Variants in PSD3 observed in about 807,000 individuals in gnomAD.
The protein encoded by PSD3 is pleckstrin and Sec7 domain containing 3.
Under a neutral mutation model 105.5 loss-of-function variants are expected in PSD3, and 49 were observed. The observed-to-expected ratio is 0.46, with a 90% CI of 0.37 to 0.59. The LOEUF (loss-of-function observed/expected upper bound fraction) is 0.59. Ranked by LOEUF, PSD3 falls within the 20% of genes least tolerant of loss-of-function variation. The probability of loss-of-function intolerance (pLI) is 0.00; values close to 1 mark genes in which losing one functional copy is unlikely to be tolerated. For missense variants in PSD3, 1,561 were observed against 1,263.8 expected (o/e 1.24, Z -3.57); for synonymous variants, 557 against 457.8 (o/e 1.22, Z -2.77).
chr8:18,562,268 G>C (rs143852851), intron 14 of PSD3, among the ~76,000 whole-genome samples: 342 of 152,276 alleles, frequency 2.2e-3, no homozygotes, highest in Admixed American at 4.9e-3. Flanking sequence ...AAGAGAACCT[G>C]GCCACTGTCC....
At chr8:18,855,398 T>G (rs1000449792) in intron 4 of PSD3, among the ~76,000 whole-genome samples, 2 of 152,142 alleles carry the variant, frequency 1.3e-5, no homozygotes, top group Non-Finnish European at 2.9e-5. Context: ...TGACATAATA[T>G]GACAGTCAAA....
intron 14 of PSD3, among the ~76,000 whole-genome samples, chr8:18,564,095 T>G (rs1270086861): frequency 7.2e-6 from 1 of 139,712 alleles, no homozygotes; most frequent in Non-Finnish European, 1.5e-5. Context: ...GGGAAAAAAT[T>G]TAAAGTTTTC....
intron 1 of PSD3, among the ~76,000 whole-genome samples, chr8:19,046,591 C>T (rs1250498271): frequency 6.6e-6 from 1 of 152,170 alleles, no homozygotes; most frequent in Non-Finnish European, 1.5e-5. Flanking sequence ...TATTCCTTAC[C>T]ATTTCTTTCT....
intron 1 of PSD3, among the ~76,000 whole-genome samples, chr8:18,993,733 T>A (rs531463262): frequency 1.3e-5 from 2 of 152,144 alleles, no homozygotes; most frequent in East Asian, 1.9e-4. Flanking sequence ...AGGCTCAATT[T>A]AAATCGAAGA....
At chr8:18,669,134 T>C (rs1212767008) in intron 9 of PSD3, among the ~76,000 whole-genome samples, 2 of 152,214 alleles carry the variant, frequency 1.3e-5, no homozygotes, top group Admixed American at 6.5e-5. Context: ...ATTGTATTAG[T>C]CTATTGTACA....
intron 1 of PSD3, among the ~76,000 whole-genome samples, chr8:18,974,646 C>G (rs1390318786): frequency 1.3e-5 from 2 of 151,680 alleles, no homozygotes; most frequent in East Asian, 1.9e-4. Context: ...ACTGAAGGAA[C>G]CAACCTCCAA....
At chr8:18,565,946 G>A (rs537766351) in intron 14 of PSD3, among the ~76,000 whole-genome samples, 6 of 152,160 alleles carry the variant, frequency 3.9e-5, no homozygotes, top group South Asian at 2.1e-4. Context: ...AGGCCCTCAC[G>A]ACAAAGAATT....
At chr8:18,983,312 A>G (rs545252294) in intron 1 of PSD3, among the ~76,000 whole-genome samples, 132 of 152,350 alleles carry the variant, frequency 8.7e-4, no homozygotes, top group Middle Eastern at 6.8e-3. Context: ...GATTTGCTCC[A>G]TATCAGCAAT....
At chr8:18,655,560 C>G in intron 10 of PSD3, 82 bp downstream of exon 10, 2 of 1,311,144 alleles carry the variant, frequency 1.5e-6, no homozygotes, top group Non-Finnish European at 2.2e-6. Context: ...TAATCCTTCT[C>G]TAAGATCACT....
intron 9 of PSD3, among the ~76,000 whole-genome samples, chr8:18,662,366 C>T (rs942704123): frequency 6.6e-6 from 1 of 152,204 alleles, no homozygotes; most frequent in Non-Finnish European, 1.5e-5. Context: ...CTAACCCTGA[C>T]TGAACTTTAC....
chr8:18,579,546 A>T (rs192674822), intron 12 of PSD3, among the ~76,000 whole-genome samples: 1 of 152,300 alleles, frequency 6.6e-6, no homozygotes, highest in East Asian at 1.9e-4. Flanking sequence ...CCATCCCAAT[A>T]AACACCAAGA....
rs1464828017 is a variant in PSD3, at chr8:18,673,712, T to A, written c.2173-18027A>T. ...GAAAGTAGAGAGGGAAGAGACGCCC[T>A]GCTGTGAAACGTTTATACCTTTCAC... On this transcript the variant is annotated intron_variant, in intron 9 of 15. Coordinates refer to ENST00000327040, the MANE Select transcript of PSD3 (RefSeq NM_015310.4). Among the ~76,000 whole-genome samples the A allele has an allele frequency of 2.6e-5, 4 of 152,352 alleles. No individual in the cohort carries two copies. In the South Asian group the frequency reaches 8.3e-4, roughly 32 times the overall value.
intron 14 of PSD3, among the ~76,000 whole-genome samples, chr8:18,565,788 T>C (rs1801702636): frequency 6.6e-6 from 1 of 152,136 alleles, no homozygotes; most frequent in Non-Finnish European, 1.5e-5. Flanking sequence ...GCTAAAGCAG[T>C]GGTTCTCAAT....
At chr8:18,749,121 T>C (rs1805270652) in intron 9 of PSD3, among the ~76,000 whole-genome samples, 1 of 152,248 alleles carries the variant, frequency 6.6e-6, no homozygotes, top group African/African-American at 2.4e-5. Flanking sequence ...GTTCCTCTTA[T>C]TTCTACTTTG....
chr8:18,760,046 A>C (rs1806387980), intron 9 of PSD3, among the ~76,000 whole-genome samples: 1 of 151,500 alleles, frequency 6.6e-6, no homozygotes, highest in African/African-American at 2.4e-5. Context: ...TAGAAATAAA[A>C]TTCAGGGAAC....
intron 12 of PSD3, among the ~76,000 whole-genome samples, chr8:18,581,733 C>G (rs1802831907): frequency 6.6e-6 from 1 of 152,242 alleles, no homozygotes. Flanking sequence ...TTGCATAATA[C>G]TGGTCTTCTC....
At chr8:18,603,017 C>T (rs1804548959) in intron 11 of PSD3, among the ~76,000 whole-genome samples, 1 of 152,130 alleles carries the variant, frequency 6.6e-6, no homozygotes, top group Admixed American at 6.5e-5. Context: ...TGACAGGAAA[C>T]CTAATGCAGC....
chr8:18,658,496 T>A (rs1401050067), intron 9 of PSD3, among the ~76,000 whole-genome samples: 3 of 151,714 alleles, frequency 2.0e-5, no homozygotes, highest in Admixed American at 6.6e-5. Context: ...CTGTTGTACA[T>A]GAAAATATTA....
chr8:18,738,020 G>A (rs2129433541), intron 9 of PSD3, among the ~76,000 whole-genome samples: 1 of 152,270 alleles, frequency 6.6e-6, no homozygotes, highest in South Asian at 2.1e-4. Flanking sequence ...ATCTTTGCTA[G>A]ATTTTAAAAG....
Sources: allele counts gnomAD v4.1 joint callset (sites outside exome capture counted in the v4.1 genomes callset), GRCh38; gene constraint gnomAD v4.1.1; transcripts MANE v1.5; gene names NCBI Gene and HGNC (gene_info 2026-07-23, HGNC 2026-07-21).